PACS1: variants seen among roughly 807,000 people sequenced by gnomAD.
The protein encoded by PACS1 is PACS-1.
In PACS1, 24 loss-of-function variants were observed where a neutral mutation model predicts 115.0. The observed-to-expected ratio is 0.21, with a 90% CI of 0.15 to 0.29. PACS1 has a LOEUF of 0.29. PACS1 is among the 10% of genes least tolerant of loss of function. The pLI is 1.00. For missense variants in PACS1, 838 were observed against 1,251.2 expected (o/e 0.67, Z 4.98); for synonymous variants, 453 against 504.5 (o/e 0.90, Z 1.37).
chr11:66,216,822 G>A, intron 7 of PACS1, 47 bp downstream of exon 7: 1 of 1,409,542 alleles, frequency 7.1e-7, no homozygotes, highest in Non-Finnish European at 9.9e-7. Flanking sequence ...TTTTCAGTCT[G>A]GGGGTAGGTT....
chr11:66,238,774 A>G, intron 19 of PACS1, 30 bp from the exon 20 acceptor site: 1 of 1,570,924 alleles, frequency 6.4e-7, no homozygotes, highest in Non-Finnish European at 8.7e-7. Context: ...TAACAGGAGG[A>G]TCTAATGAGT....
chr11:66,111,995 A>G (rs1053373062), intron 1 of PACS1, among the ~76,000 whole-genome samples: 7 of 152,098 alleles, frequency 4.6e-5, no homozygotes, highest in African/African-American at 1.2e-4. Flanking sequence ...AGCAGGAGCT[A>G]TTGATTCTGA....
At chr11:66,159,456 T>C (rs1357844172) in intron 1 of PACS1, among the ~76,000 whole-genome samples, 1 of 151,688 alleles carries the variant, frequency 6.6e-6, no homozygotes. Context: ...AAAAGAAATA[T>C]TGAGTCAAAG....
intron 1 of PACS1, among the ~76,000 whole-genome samples, chr11:66,090,154 C>A (rs1857634487): frequency 6.6e-6 from 1 of 151,712 alleles, no homozygotes; most frequent in Non-Finnish European, 1.5e-5. Flanking sequence ...AACATGGACA[C>A]TTTAGCCATA....
intron 10 of PACS1, 101 bp from the exon 11 acceptor site, chr11:66,227,403 A>G (rs1855489221): frequency 1.4e-6 from 1 of 690,264 alleles, no homozygotes; most frequent in Non-Finnish European, 2.5e-6. Context: ...ATGAGGTTTG[A>G]GATTAAATGA....
chr11:66,125,325 G>A (rs139822954), intron 1 of PACS1, among the ~76,000 whole-genome samples: 7 of 152,226 alleles, frequency 4.6e-5, no homozygotes, highest in East Asian at 1.9e-4. Context: ...CAATTAATGC[G>A]TAGACCAAAT....
At chr11:66,192,834 A>G (rs1333114977) in intron 1 of PACS1, among the ~76,000 whole-genome samples, 2 of 152,240 alleles carry the variant, frequency 1.3e-5, no homozygotes, top group Non-Finnish European at 2.9e-5. Flanking sequence ...GTGAGGGACA[A>G]TCCTGTCACT....
chr11:66,095,339 T>C lies in PACS1; in HGVS notation c.356+24497T>C, dbSNP rs201095425. On this transcript the variant is annotated intron_variant, in intron 1 of 23. Coordinates refer to ENST00000320580, the MANE Select transcript of PACS1 (RefSeq NM_018026.4). ...AAATCTCCTTAAGCTGATAAGCAAC[T>C]TCAGCAAAGTCTCAGGATACAAAAT... Among the ~76,000 whole-genome samples the C allele has an allele frequency of 8.3e-3, 1,257 of 152,148 alleles. 87 individuals are homozygous for C. The East Asian group carries it at 0.17, about 21-fold the overall frequency.
chr11:66,181,817 A>G lies in PACS1; in HGVS notation c.357-11669A>G, dbSNP rs887880451. On this transcript the variant is annotated intron_variant, in intron 1 of 23. Coordinates refer to ENST00000320580, the MANE Select transcript of PACS1 (RefSeq NM_018026.4). ...CCCACATACCTGCTTTACCTCAGTC[A>G]CTGAGACACATGTACTAATGGGTTG... 1.7e-4 allele frequency among the ~76,000 whole-genome samples: 26 copies of G among 152,246 alleles called. No homozygotes were observed. In the East Asian group the frequency reaches 2.7e-3, roughly 16 times the overall value.
chr11:66,216,645 A>C, intron 6 of PACS1, 34 bp downstream of exon 6: 1 of 1,610,752 alleles, frequency 6.2e-7, no homozygotes, highest in South Asian at 1.1e-5. Flanking sequence ...TGGCGTGTCC[A>C]AGAAGCTCCT....
At chr11:66,140,229 C>T (rs1372219374) in intron 1 of PACS1, among the ~76,000 whole-genome samples, 1 of 152,134 alleles carries the variant, frequency 6.6e-6, no homozygotes, top group Non-Finnish European at 1.5e-5. Flanking sequence ...TTCTGACAAG[C>T]TTTTAGAGGG....
At chr11:66,137,586 C>T (rs1366412290) in intron 1 of PACS1, among the ~76,000 whole-genome samples, 1 of 152,178 alleles carries the variant, frequency 6.6e-6, no homozygotes, top group Non-Finnish European at 1.5e-5. Flanking sequence ...GATGGTCTGA[C>T]TCTGCTCCTT....
intron 1 of PACS1, among the ~76,000 whole-genome samples, chr11:66,107,365 C>A (rs1858073812): frequency 6.6e-6 from 1 of 152,178 alleles, no homozygotes; most frequent in South Asian, 2.1e-4. Context: ...CCCCTCCCCC[C>A]ACATTATTCC....
At chr11:66,212,715 C>T (rs1855104348) in intron 4 of PACS1, among the ~76,000 whole-genome samples, 1 of 152,130 alleles carries the variant, frequency 6.6e-6, no homozygotes, top group Non-Finnish European at 1.5e-5. Context: ...CTATCTTTTT[C>T]CTTATCACAT....
At chr11:66,115,848 G>A (rs929137337) in intron 1 of PACS1, among the ~76,000 whole-genome samples, 5 of 152,192 alleles carry the variant, frequency 3.3e-5, no homozygotes, top group East Asian at 1.9e-4. Context: ...CTTAAAGCAC[G>A]AAGGCGTTGC....
At chr11:66,136,137 T>C (rs1035922617) in intron 1 of PACS1, among the ~76,000 whole-genome samples, 1 of 152,180 alleles carries the variant, frequency 6.6e-6, no homozygotes. Flanking sequence ...GTTATGTGGC[T>C]ATGCTGCTGA....
intron 4 of PACS1, among the ~76,000 whole-genome samples, 190 bp from the exon 5 acceptor site, chr11:66,215,929 T>C (rs1855194494): frequency 6.8e-6 from 1 of 147,180 alleles, no homozygotes; most frequent in Non-Finnish European, 1.5e-5. Flanking sequence ...ATAATAATAA[T>C]AATAATAATA....
At chr11:66,220,399 CA>C in intron 8 of PACS1, 1 of 529,116 alleles carries the variant, frequency 1.9e-6, no homozygotes, top group Non-Finnish European at 3.4e-6. Flanking sequence ...TCCCTCCTGG[CA>C]CAGCTTCACA....
At chr11:66,127,415 GC>G (rs1057370705) in intron 1 of PACS1, among the ~76,000 whole-genome samples, 1 of 152,166 alleles carries the variant, frequency 6.6e-6, no homozygotes, top group African/African-American at 2.4e-5. Flanking sequence ...GAACCAGTGG[GC>G]CCGACTGCAT....
Sources: allele counts gnomAD v4.1 joint callset (sites outside exome capture counted in the v4.1 genomes callset), GRCh38; gene constraint gnomAD v4.1.1; transcripts MANE v1.5; gene names NCBI Gene and HGNC (gene_info 2026-07-23, HGNC 2026-07-21).